DSCAM: variants seen among roughly 807,000 people sequenced by gnomAD.
DSCAM encodes cell adhesion molecule DSCAM.
DSCAM carries 47 observed loss-of-function variants against 217.7 expected under a neutral mutation model. The ratio of observed to expected loss-of-function variants is 0.22; its 90% CI spans 0.17 to 0.28. The LOEUF is 0.28. DSCAM is among the 10% of genes least tolerant of loss of function. The pLI is 1.00. For missense variants in DSCAM, 2,080 were observed against 2,618.3 expected (o/e 0.79, Z 4.49); for synonymous variants, 1,056 against 1,015.3 (o/e 1.04, Z -0.76).
chr21:40,339,745 T>C (rs920041622), intron 6 of DSCAM, among the ~76,000 whole-genome samples: 25 of 38,444 alleles, frequency 6.5e-4, no homozygotes, highest in African/African-American at 1.4e-3. Context: ...CACACAAAGT[T>C]ATAAACAGAC....
At chr21:40,823,167 A>C (rs1052092392) in intron 1 of DSCAM, among the ~76,000 whole-genome samples, 35 of 137,102 alleles carry the variant, frequency 2.6e-4, no homozygotes, top group Admixed American at 1.1e-3. Flanking sequence ...CCGCCCCCCC[A>C]AAAAAGAAAG....
At chr21:40,482,936 G>C (rs576310630) in intron 3 of DSCAM, among the ~76,000 whole-genome samples, 1 of 152,164 alleles carries the variant, frequency 6.6e-6, no homozygotes, top group Non-Finnish European at 1.5e-5. Flanking sequence ...CACACAGCCC[G>C]CCTAATTGTG....
intron 3 of DSCAM, among the ~76,000 whole-genome samples, chr21:40,452,775 A>G (rs981055162): frequency 6.6e-6 from 1 of 152,048 alleles, no homozygotes; most frequent in African/African-American, 2.4e-5. Flanking sequence ...AGGCTCATAG[A>G]GCCTTGGTAA....
At chr21:40,570,573 A>C (rs959567264) in intron 3 of DSCAM, among the ~76,000 whole-genome samples, 21 of 152,218 alleles carry the variant, frequency 1.4e-4, no homozygotes, top group Non-Finnish European at 4.4e-5. Context: ...CAAATATGGA[A>C]ATGGCCCAGA....
intron 11 of DSCAM, among the ~76,000 whole-genome samples, chr21:40,216,283 A>T (rs1984024): frequency 0.48 from 71,754 of 149,492 alleles, 17,744 homozygotes; most frequent in East Asian, 0.58. Flanking sequence ...TAAAAAAAAA[A>T]TTTTTTTTTT....
intron 3 of DSCAM, among the ~76,000 whole-genome samples, chr21:40,507,310 A>G (rs941986541): frequency 1.3e-5 from 2 of 152,140 alleles, no homozygotes; most frequent in Non-Finnish European, 2.9e-5. Flanking sequence ...ATTTAAAAAA[A>G]CAGCCGCAAC....
intron 3 of DSCAM, among the ~76,000 whole-genome samples, chr21:40,486,484 A>T (rs2076029611): frequency 6.6e-6 from 1 of 151,958 alleles, no homozygotes; most frequent in Non-Finnish European, 1.5e-5. Context: ...AGAGAAAGAA[A>T]AGAGGAAAGG....
chr21:40,180,924 C>T (rs1353154008), intron 14 of DSCAM, among the ~76,000 whole-genome samples: 5 of 152,042 alleles, frequency 3.3e-5, no homozygotes, highest in Non-Finnish European at 5.9e-5. Flanking sequence ...CTATAGGTTC[C>T]TTTAGCTCAG....
At chr21:40,647,065 G>T (rs1023431451) in intron 3 of DSCAM, among the ~76,000 whole-genome samples, 1 of 152,178 alleles carries the variant, frequency 6.6e-6, no homozygotes, top group Non-Finnish European at 1.5e-5. Context: ...ATATGCATGG[G>T]GCTATGCAAA....
At chr21:40,289,747 C>T (rs1352098748) in intron 10 of DSCAM, among the ~76,000 whole-genome samples, 6 of 152,098 alleles carry the variant, frequency 3.9e-5, no homozygotes, top group African/African-American at 1.4e-4. Context: ...GTTTGGTGCT[C>T]CCCAAGGTTC....
intron 11 of DSCAM, among the ~76,000 whole-genome samples, chr21:40,220,022 A>C (rs1450552016): frequency 6.6e-6 from 1 of 152,262 alleles, no homozygotes; most frequent in Non-Finnish European, 1.5e-5. Flanking sequence ...TAATGGCTTA[A>C]CTTTTTCTAA....
At chr21:40,476,350 T>C (rs2075935723) in intron 3 of DSCAM, among the ~76,000 whole-genome samples, 1 of 152,240 alleles carries the variant, frequency 6.6e-6, no homozygotes, top group African/African-American at 2.4e-5. Flanking sequence ...AGCCTCAGTT[T>C]AGAGGCTAAT....
intron 3 of DSCAM, among the ~76,000 whole-genome samples, chr21:40,458,946 G>C (rs61026129): frequency 1.3e-5 from 2 of 151,436 alleles, no homozygotes; most frequent in Admixed American, 6.6e-5. Context: ...TTATATATGA[G>C]AGTAGAACCT....
intron 1 of DSCAM, among the ~76,000 whole-genome samples, chr21:40,843,368 ATGTGTG>A (rs36229663): frequency 0.011 from 1,638 of 146,148 alleles, 11 homozygotes; most frequent in South Asian, 0.029. Flanking sequence ...GAATGCATGC[ATGTGTG>A]TGTGTGTGTG....
intron 3 of DSCAM, chr21:40,621,217 T>C (rs1336414773): frequency 6.6e-6 from 1 of 152,212 alleles, no homozygotes; most frequent in Non-Finnish European, 1.5e-5. Flanking sequence ...ATGTAAATTA[T>C]ATCTTTATAA....
intron 27 of DSCAM, among the ~76,000 whole-genome samples, chr21:40,070,018 C>G (rs1411534370): frequency 6.6e-6 from 1 of 152,162 alleles, no homozygotes; most frequent in Non-Finnish European, 1.5e-5. Context: ...ACTACCCACT[C>G]CCTGGCTCCC....
At chr21:40,829,821 C>T (rs974203964) in intron 1 of DSCAM, among the ~76,000 whole-genome samples, 8 of 152,176 alleles carry the variant, frequency 5.3e-5, no homozygotes, top group African/African-American at 1.9e-4. Context: ...GCCACAAGTG[C>T]TTGGCAATGT....
chr21:40,110,750 G>A (rs1172242135), intron 20 of DSCAM, among the ~76,000 whole-genome samples: 1 of 152,264 alleles, frequency 6.6e-6, no homozygotes, highest in African/African-American at 2.4e-5. Flanking sequence ...ACCACAGCAT[G>A]AGAACTACGT....
At chr21:40,030,002 GCACACACATGCGTGCA>G (rs1180638141) in intron 32 of DSCAM, among the ~76,000 whole-genome samples, 2 of 152,204 alleles carry the variant, frequency 1.3e-5, no homozygotes, top group African/African-American at 2.4e-5. Context: ...GTGTGCTTGC[GCACACACATGCGTGCA>G]CACATACACA....
Sources: allele counts gnomAD v4.1 joint callset (sites outside exome capture counted in the v4.1 genomes callset), GRCh38; gene constraint gnomAD v4.1.1; transcripts MANE v1.5; gene names NCBI Gene and HGNC (gene_info 2026-07-23, HGNC 2026-07-21).